Variants in PRKG1 observed in about 807,000 individuals in gnomAD.
The protein encoded by PRKG1 is cGMP-dependent protein kinase 1.
In PRKG1, 35 loss-of-function variants were observed where a neutral mutation model predicts 88.1. The observed-to-expected ratio is 0.40, with a 90% CI of 0.30 to 0.53. PRKG1 has a LOEUF of 0.53. PRKG1 is among the 20% of genes least tolerant of loss of function. PRKG1 has a pLI of 0.59. For synonymous variants in PRKG1, 303 were observed against 292.5 expected (o/e 1.04, Z -0.37); for missense variants, 540 against 839.8 (o/e 0.64, Z 4.41).
intron 2 of PRKG1, among the ~76,000 whole-genome samples, chr10:51,307,645 G>T (rs1029129663): frequency 6.6e-6 from 1 of 152,044 alleles, no homozygotes; most frequent in Non-Finnish European, 1.5e-5. Context: ...CCGAGTAGAG[G>T]CAATAAGCAT....
At position 52,272,415 on chromosome 10, in the gene PRKG1, G is replaced by C. The variant is rs778996658; in HGVS notation, c.1337G>C (p.Ser446Thr). Residue 446 changes from serine (S) to threonine (T), a missense_variant, in exon 12 of 18, where the codon AGC becomes ACC. Transcript: ENST00000373980. Reference sequence around the variant, plus strand: ...AGACTGTACAGAACATTTAAGGACAGCAAATATTTGTATATGTTGATGGAA... The same window carrying C: ...AGACTGTACAGAACATTTAAGGACACCAAATATTTGTATATGTTGATGGAA... ...IVRLYRTFKD[S>T]KYLYMLMEAC... is the part of the protein sequence containing the mutation. 1 of 1,609,208 alleles carries C rather than the reference G, an allele frequency of 6.2e-7. No individual in the cohort carries two copies. Among genetic ancestry groups the C allele is most frequent in the Non-Finnish European group, 8.5e-7 (1 of 1,176,468 alleles).
chr10:51,641,783 T>C (rs1438613346), intron 3 of PRKG1, among the ~76,000 whole-genome samples: 2 of 152,128 alleles, frequency 1.3e-5, no homozygotes, highest in Non-Finnish European at 2.9e-5. Flanking sequence ...AAATTATATT[T>C]TTCCCCTCAA....
intron 2 of PRKG1, among the ~76,000 whole-genome samples, chr10:51,424,813 G>C (rs1025896703): frequency 6.6e-6 from 1 of 152,038 alleles, no homozygotes; most frequent in Admixed American, 6.6e-5. Context: ...GATCCTTCTG[G>C]TGAAGTCAAG....
At chr10:51,249,754 T>C (rs1045674371) in intron 2 of PRKG1, among the ~76,000 whole-genome samples, 1 of 151,834 alleles carries the variant, frequency 6.6e-6, no homozygotes, top group East Asian at 1.9e-4. Context: ...GCATCTACTA[T>C]GTGTGAGGCA....
intron 3 of PRKG1, among the ~76,000 whole-genome samples, chr10:51,684,666 C>A (rs116165408): frequency 1.3e-5 from 2 of 151,814 alleles, no homozygotes; most frequent in Non-Finnish European, 2.9e-5. Context: ...CTAAGGAGTT[C>A]GAGACCACCC....
Position 51,888,223 on chromosome 10 carries a change from A to G in PRKG1, c.699-19284A>G, listed in dbSNP as rs192704256. On this transcript the variant is annotated intron_variant, in intron 4 of 17. Coordinates refer to ENST00000373980, the MANE Select transcript of PRKG1 (RefSeq NM_006258.4). ...TATATCTCAATAAAGCTAAAAAAAT[A>G]AAAATTGAAAACTGAAGTCAGGGGA... Among the ~76,000 whole-genome samples, 603 of 152,362 alleles carry G rather than the reference A, an allele frequency of 4.0e-3. 7 individuals carry two copies. Among genetic ancestry groups the G allele is most frequent in the African/African-American group, 0.014 (574 of 41,594 alleles).
At chr10:50,999,049 T>C (rs1023489130) in intron 1 of PRKG1, among the ~76,000 whole-genome samples, 3 of 152,198 alleles carry the variant, frequency 2.0e-5, no homozygotes, top group African/African-American at 7.2e-5. Context: ...CATATGAATA[T>C]GATAGAAACC....
At chr10:52,217,447 T>G (rs1840141171) in intron 9 of PRKG1, among the ~76,000 whole-genome samples, 1 of 152,046 alleles carries the variant, frequency 6.6e-6, no homozygotes, top group Non-Finnish European at 1.5e-5. Context: ...AATCTCATAG[T>G]CTAGGAACTA....
At chr10:51,588,017 A>G (rs75367344) in intron 3 of PRKG1, among the ~76,000 whole-genome samples, 11,210 of 152,256 alleles carry the variant, frequency 0.074, 1,382 homozygotes, top group African/African-American at 0.25. Context: ...GTAACCAATC[A>G]TTAGGAAGTC....
chr10:52,266,042 C>T (rs2132423425), intron 10 of PRKG1, among the ~76,000 whole-genome samples: 1 of 151,940 alleles, frequency 6.6e-6, no homozygotes, highest in Middle Eastern at 3.4e-3. Context: ...CATCCATAAT[C>T]TTTGTTTTTT....
intron 9 of PRKG1, among the ~76,000 whole-genome samples, chr10:52,239,176 TG>T (rs1180214104): frequency 2.2e-4 from 13 of 58,844 alleles, no homozygotes; most frequent in African/African-American, 9.2e-4. Flanking sequence ...TGTGGTGGGG[TG>T]GGGGGAGGGG....
In PRKG1 at chr10:52,171,324, C is replaced by T. The variant is rs759834384; in HGVS notation, c.1076+9361C>T. On this transcript the variant is annotated intron_variant, in intron 9 of 17. Transcript: ENST00000373980. ...GCAATATCCTCTTCCAAAATGGGAA[C>T]GATATGTCAATTAAATAGACAAAAC... Among the ~76,000 whole-genome samples, 9 of 152,056 alleles carry T rather than the reference C, an allele frequency of 5.9e-5. No individual in the cohort carries two copies. The East Asian group carries it at 9.7e-4, about 16-fold the overall frequency.
chr10:51,299,770 G>T, intron 2 of PRKG1: 2 of 357,466 alleles, frequency 5.6e-6, no homozygotes, highest in South Asian at 4.1e-5. Context: ...TATACCTCAT[G>T]TGGCGTAACT....
chr10:51,295,815 A>T (rs1289862110), intron 2 of PRKG1, among the ~76,000 whole-genome samples: 1 of 152,154 alleles, frequency 6.6e-6, no homozygotes, highest in African/African-American at 2.4e-5. Context: ...TGGGCTTTTC[A>T]TGTATGGCCT....
At chr10:52,157,610 G>T (rs10733902) in intron 8 of PRKG1, among the ~76,000 whole-genome samples, 106,319 of 151,120 alleles carry the variant, frequency 0.7, 38,941 homozygotes, top group South Asian at 0.83. Context: ...ACTGAATTAC[G>T]GTCATCCTTG....
chr10:51,659,369 T>C (rs1185044227), intron 3 of PRKG1, among the ~76,000 whole-genome samples: 1 of 152,038 alleles, frequency 6.6e-6, no homozygotes, highest in Non-Finnish European at 1.5e-5. Flanking sequence ...TGAGATAGCC[T>C]TCAGAGGACA....
intron 3 of PRKG1, among the ~76,000 whole-genome samples, chr10:51,777,448 T>C (rs1838469384): frequency 6.6e-6 from 1 of 152,158 alleles, no homozygotes; most frequent in African/African-American, 2.4e-5. Context: ...TCTGTTTATT[T>C]TGAATAGACT....
intron 2 of PRKG1, among the ~76,000 whole-genome samples, chr10:51,194,795 C>T (rs1285628783): frequency 6.6e-6 from 1 of 152,046 alleles, no homozygotes; most frequent in Non-Finnish European, 1.5e-5. Context: ...TTGCAAGAGC[C>T]TTCTTGTTGC....
At chr10:51,734,467 A>G (rs1837212398) in intron 3 of PRKG1, among the ~76,000 whole-genome samples, 1 of 152,162 alleles carries the variant, frequency 6.6e-6, no homozygotes, top group Non-Finnish European at 1.5e-5. Flanking sequence ...CCAAGAGCAC[A>G]CAATAAATAT....
Sources: gnomAD v4.1 joint callset for allele counts (sites outside exome capture counted in the v4.1 genomes callset) on GRCh38, gnomAD v4.1.1 for gene constraint, MANE v1.5 for transcripts, NCBI Gene and HGNC (gene_info 2026-07-23, HGNC 2026-07-21) for gene names.